Variants in SPAST observed in about 807,000 individuals in gnomAD.
The protein encoded by SPAST is spastin.
Under a neutral mutation model 76.6 loss-of-function variants are expected in SPAST, and 30 were observed. That is an observed-to-expected ratio of 0.39 (90% CI 0.29 to 0.53). The LOEUF (loss-of-function observed/expected upper bound fraction) is 0.53. Among genes scored for constraint, SPAST ranks in the 20% least tolerant of loss-of-function variants. SPAST has a pLI of 0.68. For synonymous variants in SPAST, 305 were observed against 281.0 expected (o/e 1.09, Z -0.86); for missense variants, 717 against 770.5 (o/e 0.93, Z 0.82).
chr2:32,108,844 C>T (rs1678425695), intron 4 of SPAST, among the ~76,000 whole-genome samples: 1 of 141,106 alleles, frequency 7.1e-6, no homozygotes, highest in South Asian at 2.3e-4. Flanking sequence ...GGGCTCACTG[C>T]AACCTCTGCC....
chr2:32,113,098 C>A (rs1034110425), intron 4 of SPAST, among the ~76,000 whole-genome samples: 11 of 152,046 alleles, frequency 7.2e-5, no homozygotes, highest in African/African-American at 2.4e-4. Flanking sequence ...AAAAGCACAT[C>A]TTTATACTCT....
chr2:32,131,903 G>A (rs904659358), intron 9 of SPAST, among the ~76,000 whole-genome samples: 3 of 151,704 alleles, frequency 2.0e-5, no homozygotes, highest in Non-Finnish European at 4.4e-5. Context: ...CTTGTGATCC[G>A]CCCGCATCTA....
intron 1 of SPAST, among the ~76,000 whole-genome samples, chr2:32,081,883 A>G (rs556198412): frequency 4.0e-5 from 6 of 151,050 alleles, no homozygotes; most frequent in African/African-American, 1.5e-4. Flanking sequence ...TTTTAAAATA[A>G]TAACCATCCT....
At chr2:32,133,879 A>G (rs1025786363) in intron 9 of SPAST, among the ~76,000 whole-genome samples, 31 of 152,208 alleles carry the variant, frequency 2.0e-4, no homozygotes, top group Admixed American at 9.2e-4. Flanking sequence ...TGTGCTAAGT[A>G]AAATCTTCTG....
chr2:32,096,214 C>T (rs955698563), intron 3 of SPAST, among the ~76,000 whole-genome samples: 3 of 150,960 alleles, frequency 2.0e-5, no homozygotes, highest in East Asian at 3.8e-4. Context: ...GCGGGCAGAT[C>T]ACCTGAGGTC....
In SPAST at chr2:32,151,056, T is replaced by C. The variant is rs565636460; in HGVS notation, c.1729-3318T>C. Reference sequence around the variant, plus strand: ...GCCTCCTGGGTTCAAGTGATTCTCCTGCCTCAGCCTCCTGAGTAGCTGGGA... The same window carrying C: ...GCCTCCTGGGTTCAAGTGATTCTCCCGCCTCAGCCTCCTGAGTAGCTGGGA... On this transcript the variant is annotated intron_variant, in intron 16 of 16. Transcript: ENST00000315285. 2.0e-3 allele frequency among the ~76,000 whole-genome samples: 303 copies of C among 152,140 alleles called. 1 individual carries two copies. Among genetic ancestry groups the C allele is most frequent in the Non-Finnish European group, 3.5e-3 (235 of 67,990 alleles).
At chr2:32,079,155 A>T (rs17011817) in intron 1 of SPAST, among the ~76,000 whole-genome samples, 6 of 152,094 alleles carry the variant, frequency 3.9e-5, no homozygotes, top group Admixed American at 1.3e-4. Flanking sequence ...AGTCTTTACA[A>T]TCTGCAAAAC....
intron 3 of SPAST, among the ~76,000 whole-genome samples, chr2:32,091,302 A>G (rs1677708153): frequency 7.0e-6 from 1 of 142,048 alleles, no homozygotes. Flanking sequence ...ATTATTCGAG[A>G]TGGAGTCTTG....
At chr2:32,075,283 G>A (rs530092889) in intron 1 of SPAST, among the ~76,000 whole-genome samples, 58 of 151,474 alleles carry the variant, frequency 3.8e-4, no homozygotes, top group African/African-American at 1.3e-3. Flanking sequence ...AAAATTAGCC[G>A]GGCGTGGTAG....
At chr2:32,121,774 C>T (rs1286949660) in intron 7 of SPAST, among the ~76,000 whole-genome samples, 1 of 151,928 alleles carries the variant, frequency 6.6e-6, no homozygotes, top group East Asian at 1.9e-4. Flanking sequence ...AAACTCCTGA[C>T]CTCAGGTGAT....
In SPAST at chr2:32,066,303, G is replaced by C. The variant is rs542044489; in HGVS notation, c.415+2057G>C. On this transcript the variant is annotated intron_variant, in intron 1 of 16. Transcript: ENST00000315285. Reference sequence around the variant, plus strand: ...AGCTCCATTCTTTATCACCTCTTAAGAACATCCAGGATCCCTTGGGGAGAA... The same window carrying C: ...AGCTCCATTCTTTATCACCTCTTAACAACATCCAGGATCCCTTGGGGAGAA... 5.3e-5 allele frequency among the ~76,000 whole-genome samples: 8 copies of C among 152,212 alleles called. No homozygotes were observed. The East Asian group carries it at 1.5e-3, about 29-fold the overall frequency.
intron 9 of SPAST, among the ~76,000 whole-genome samples, chr2:32,133,303 T>G (rs1679431973): frequency 6.6e-6 from 1 of 152,224 alleles, no homozygotes; most frequent in African/African-American, 2.4e-5. Context: ...TACAGCTCAG[T>G]GGATTACCAC....
intron 4 of SPAST, 57 bp downstream of exon 4, chr2:32,098,948 T>C (rs1373507633): frequency 1.8e-6 from 2 of 1,101,046 alleles, no homozygotes; most frequent in African/African-American, 1.5e-5. Flanking sequence ...GTAAGAGTCT[T>C]ACTTAACCTG....
intron 1 of SPAST, among the ~76,000 whole-genome samples, chr2:32,078,651 A>G (rs550210347): frequency 2.0e-5 from 3 of 152,304 alleles, no homozygotes; most frequent in African/African-American, 4.8e-5. Context: ...CCCTGTCTCT[A>G]AAAAATGAAG....
At chr2:32,127,138 C>T (rs1679221839) in intron 8 of SPAST, 116 bp downstream of exon 8, 2 of 779,334 alleles carry the variant, frequency 2.6e-6, no homozygotes, top group Admixed American at 2.1e-5. Context: ...TGCTATTGTA[C>T]ACTTTTGTTT....
At chr2:32,112,550 A>G (rs949919237) in intron 4 of SPAST, among the ~76,000 whole-genome samples, 1 of 151,902 alleles carries the variant, frequency 6.6e-6, no homozygotes, top group Non-Finnish European at 1.5e-5. Context: ...GTTTCACCAC[A>G]TTGGTCAGGC....
chr2:32,130,184 A>G (rs1202806270), intron 9 of SPAST: 3 of 152,226 alleles, frequency 2.0e-5, no homozygotes, highest in African/African-American at 7.2e-5. Flanking sequence ...GGTCCCAGCA[A>G]ATCAGGAGGC....
chr2:32,122,716 G>A (rs12611678), intron 7 of SPAST, among the ~76,000 whole-genome samples: 55,543 of 151,564 alleles, frequency 0.37, 10,554 homozygotes, highest in East Asian at 0.64. Context: ...AAGGCAGGAA[G>A]ATTGCTTGAG....
At chr2:32,147,618 TTTTGTTTGTTTG>T (rs71407418) in intron 16 of SPAST, among the ~76,000 whole-genome samples, 6 of 118,908 alleles carry the variant, frequency 5.0e-5, no homozygotes, top group African/African-American at 9.4e-5. Flanking sequence ...CATCTGGCTG[TTTTGTTTGTTTG>T]TTTGTTTGTT....
Sources: allele counts gnomAD v4.1 joint callset (sites outside exome capture counted in the v4.1 genomes callset), GRCh38; gene constraint gnomAD v4.1.1; transcripts MANE v1.5; gene names NCBI Gene and HGNC (gene_info 2026-07-23, HGNC 2026-07-21).